The following CD96 variants were observed in gnomAD, a reference collection of about 807,000 sequenced individuals.
CD96 encodes CD96 molecule.
A neutral mutation model predicts 71.3 loss-of-function variants in CD96; 70 were observed. That is an observed-to-expected ratio of 0.98 (90% CI 0.81 to 1.20). The LOEUF (loss-of-function observed/expected upper bound fraction) is 1.20, where lower values mean the gene tolerates loss of function less well. CD96 is among the 50% of genes most tolerant of loss of function. The pLI is 0.00. For missense variants in CD96, 742 were observed against 677.5 expected (o/e 1.10, Z -1.06); for synonymous variants, 248 against 233.0 (o/e 1.06, Z -0.59).
chr3:111,655,377 A>T (rs1034275305), downstream of CD96, among the ~76,000 whole-genome samples: 1 of 152,234 alleles, frequency 6.6e-6, no homozygotes, highest in African/African-American at 2.4e-5. Context: ...CAGTGAATGT[A>T]AAATTTAATG....
At chr3:111,580,852 G>T (rs980915373) in intron 4 of CD96, among the ~76,000 whole-genome samples, 1 of 152,170 alleles carries the variant, frequency 6.6e-6, no homozygotes, top group Non-Finnish European at 1.5e-5. Context: ...GGCTGTGACT[G>T]TCTTAGTGCA....
At chr3:111,588,080 C>G (rs113528957) in intron 5 of CD96, among the ~76,000 whole-genome samples, 5 of 152,246 alleles carry the variant, frequency 3.3e-5, no homozygotes, top group Admixed American at 3.3e-4. Flanking sequence ...TTGATTTTCT[C>G]TCCAGAAAAT....
chr3:111,633,319 C>T (rs1263764398), intron 10 of CD96, among the ~76,000 whole-genome samples: 1 of 152,106 alleles, frequency 6.6e-6, no homozygotes, highest in African/African-American at 2.4e-5. Flanking sequence ...AAAATAATTT[C>T]AATGGTAACA....
chr3:111,592,230 C>G (rs1387198120), intron 5 of CD96, among the ~76,000 whole-genome samples: 17 of 152,168 alleles, frequency 1.1e-4, no homozygotes, highest in Admixed American at 1.1e-3. Flanking sequence ...TGATTTTATT[C>G]TATTTCTAAA....
rs765642865 is a variant in CD96, at chr3:111,567,532, A to T, written c.428A>T (p.Asp143Val). 9 of 1,607,008 alleles carry T rather than the reference A, an allele frequency of 5.6e-6. No homozygotes were observed. Among genetic ancestry groups the T allele is most frequent in the South Asian group, 1.1e-5 (1 of 90,914 alleles). ...TTATGTTTTGTTACAGTTACAGCAG[A>T]TGAATGGAACAGCAACCATACGATA... ...NLLIQTHVTA[D>V]EWNSNHTIEI... Residue 143 changes from aspartate to valine, a missense_variant, in exon 3 of 14, where the codon GAT (aspartate) becomes GTT (valine). By Grantham distance (152) the Asp-to-Val change is radical. Transcript: ENST00000352690.
chr3:111,642,750 T>G (rs1471529843), intron 12 of CD96, among the ~76,000 whole-genome samples: 3 of 151,896 alleles, frequency 2.0e-5, no homozygotes, highest in African/African-American at 4.8e-5. Flanking sequence ...GAGGTTGCAG[T>G]GAGCAGAGAT....
intron 12 of CD96, among the ~76,000 whole-genome samples, chr3:111,642,532 G>A (rs1559774749): frequency 6.6e-6 from 1 of 152,208 alleles, no homozygotes; most frequent in African/African-American, 2.4e-5. Context: ...TGAGCGCAGT[G>A]GCTCAGTGGC....
intron 10 of CD96, among the ~76,000 whole-genome samples, chr3:111,625,948 C>A (rs1033313469): frequency 6.6e-6 from 1 of 152,006 alleles, no homozygotes; most frequent in Non-Finnish European, 1.5e-5. Context: ...ACAAATATGA[C>A]AAAATAAACA....
At chr3:111,648,743 C>G (rs1438201611) in intron 13 of CD96, among the ~76,000 whole-genome samples, 1 of 152,110 alleles carries the variant, frequency 6.6e-6, no homozygotes, top group East Asian at 1.9e-4. Context: ...CTCTATCCTC[C>G]TTCCCCCACT....
chr3:111,662,250 C>A (rs1940376569), intron 14 of CD96, among the ~76,000 whole-genome samples: 1 of 152,178 alleles, frequency 6.6e-6, no homozygotes. Flanking sequence ...TGGGCCTAGC[C>A]CAGGAAACCA....
chr3:111,588,873 T>G (rs185981363), intron 5 of CD96, among the ~76,000 whole-genome samples: 67 of 152,306 alleles, frequency 4.4e-4, no homozygotes, highest in Non-Finnish European at 7.8e-4. Flanking sequence ...AGTGTATTAG[T>G]GAACTTCATT....
chr3:111,603,010 C>T (rs757227322), intron 7 of CD96, among the ~76,000 whole-genome samples: 1 of 152,076 alleles, frequency 6.6e-6, no homozygotes, highest in Non-Finnish European at 1.5e-5. Context: ...GTTCAGTGAT[C>T]CCTATTCTAG....
intron 8 of CD96, among the ~76,000 whole-genome samples, chr3:111,616,789 A>G (rs1369858547): frequency 1.3e-5 from 2 of 152,086 alleles, no homozygotes; most frequent in East Asian, 3.9e-4. Context: ...AGAGGCTGAG[A>G]ACAGGAGGGA....
At chr3:111,614,120 C>G (rs1290501256) in intron 8 of CD96, among the ~76,000 whole-genome samples, 1 of 152,162 alleles carries the variant, frequency 6.6e-6, no homozygotes, top group Admixed American at 6.5e-5. Context: ...AAACTCTTGT[C>G]AAATGTAATG....
At chr3:111,654,791 A>T (rs1424066941), downstream of CD96, among the ~76,000 whole-genome samples, 1 of 152,248 alleles carries the variant, frequency 6.6e-6, no homozygotes, top group Non-Finnish European at 1.5e-5. Flanking sequence ...TTTACTGTCC[A>T]AAGAAGATAT....
chr3:111,638,817 C>G (rs943071338), intron 12 of CD96, among the ~76,000 whole-genome samples: 1 of 152,104 alleles, frequency 6.6e-6, no homozygotes, highest in Non-Finnish European at 1.5e-5. Context: ...TTGCACACGT[C>G]GTGGCAATAA....
At chr3:111,584,716 A>T (rs1385408654) in intron 4 of CD96, among the ~76,000 whole-genome samples, 1 of 152,212 alleles carries the variant, frequency 6.6e-6, no homozygotes, top group African/African-American at 2.4e-5. Context: ...GGGAAAGACC[A>T]GCCCCCGTGA....
In CD96 at chr3:111,663,385, TC is replaced by T. The variant is rs148223030; in HGVS notation, c.*53-2138del. ...CCTTGGCAAAGAATTTTTGGTTAAG[TC>T]CCCAAAAGCAATTGTAACAAAAACA... On this transcript the variant is annotated intron_variant and NMD_transcript_variant, in intron 14 of 14. Coordinates refer to the CD96 transcript ENST00000494798. 5.5e-3 allele frequency among the ~76,000 whole-genome samples: 829 copies of T among 152,076 alleles called. 16 individuals are homozygous for T. The highest frequency in any genetic ancestry group is 0.019 in the African/African-American group (781 of 41,492).
intron 8 of CD96, among the ~76,000 whole-genome samples, chr3:111,622,671 A>G (rs1272885371): frequency 1.3e-5 from 2 of 152,254 alleles, no homozygotes; most frequent in Non-Finnish European, 2.9e-5. Context: ...ATGAATGAAC[A>G]TACTGGCTAT....
Sources: gnomAD v4.1 joint callset for allele counts (sites outside exome capture counted in the v4.1 genomes callset) on GRCh38, gnomAD v4.1.1 for gene constraint, MANE v1.5 for transcripts, NCBI Gene and HGNC (gene_info 2026-07-23, HGNC 2026-07-21) for gene names.